The following ZPBP variants were observed in gnomAD, a reference collection of about 807,000 sequenced individuals.
ZPBP encodes zona pellucida-binding protein 1.
ZPBP carries 26 observed loss-of-function variants against 44.8 expected under a neutral mutation model. The observed-to-expected ratio is 0.58, with a 90% CI of 0.43 to 0.81. ZPBP has a LOEUF of 0.81. Among genes scored for constraint, ZPBP ranks in the 30% least tolerant of loss-of-function variants. The pLI is 0.00. For synonymous variants in ZPBP, 174 were observed against 153.2 expected (o/e 1.14, Z -1.00); for missense variants, 409 against 434.0 (o/e 0.94, Z 0.51).
intron 7 of ZPBP, among the ~76,000 whole-genome samples, chr7:49,938,948 G>C (rs2128752395): frequency 6.6e-6 from 1 of 152,146 alleles, no homozygotes; most frequent in East Asian, 1.9e-4. Context: ...GGAAATATTT[G>C]CCATTCTATG....
intron 2 of ZPBP, among the ~76,000 whole-genome samples, chr7:49,868,719 G>GTGATTCTC (rs1346589480): frequency 6.6e-6 from 1 of 152,210 alleles, no homozygotes; most frequent in Non-Finnish European, 1.5e-5. Context: ...CTGGGTTCAA[G>GTGATTCTC]TGATTCTCCT....
intron 4 of ZPBP, among the ~76,000 whole-genome samples, chr7:50,045,696 A>T (rs2128820762): frequency 6.6e-6 from 1 of 152,338 alleles, no homozygotes; most frequent in Middle Eastern, 3.4e-3. Context: ...AGGAAGAATC[A>T]ATATATTGAC....
intron 6 of ZPBP, among the ~76,000 whole-genome samples, chr7:49,988,519 G>C (rs1010354111): frequency 6.6e-6 from 1 of 152,064 alleles, no homozygotes; most frequent in Non-Finnish European, 1.5e-5. Flanking sequence ...AAAATTCTGA[G>C]TATATGCTAT....
chr7:49,842,971 G>C, the ZPBP span, among the ~76,000 whole-genome samples: 3 of 152,102 alleles, frequency 2.0e-5, no homozygotes, highest in African/African-American at 7.2e-5. Context: ...GTGATGCTGA[G>C]GTTTGGGGTA....
intron 7 of ZPBP, among the ~76,000 whole-genome samples, chr7:49,965,489 G>C (rs1796022773): frequency 6.6e-6 from 1 of 151,972 alleles, no homozygotes; most frequent in Non-Finnish European, 1.5e-5. Flanking sequence ...TTCAATAGCA[G>C]AGCTACACCA....
chr7:49,850,701 G>T (rs1194324247), intron 2 of ZPBP, among the ~76,000 whole-genome samples: 1 of 152,238 alleles, frequency 6.6e-6, no homozygotes, highest in Non-Finnish European at 1.5e-5. Flanking sequence ...CAGACAACTT[G>T]TGTTCATGTA....
At chr7:49,912,982 C>T (rs1793536829) in intron 1 of ZPBP, 1 of 152,162 alleles carries the variant, frequency 6.6e-6, no homozygotes, top group African/African-American at 2.4e-5. Flanking sequence ...ATTACTGTTC[C>T]ATCAAGCTGA....
intron 2 of ZPBP, among the ~76,000 whole-genome samples, chr7:49,875,656 C>T (rs1276739958): frequency 1.3e-5 from 2 of 151,988 alleles, no homozygotes; most frequent in Non-Finnish European, 2.9e-5. Flanking sequence ...GTCACTTTGC[C>T]CCACTGACTC....
chr7:49,958,208 C>T (rs1403952031), intron 7 of ZPBP, among the ~76,000 whole-genome samples: 4 of 152,080 alleles, frequency 2.6e-5, no homozygotes, highest in African/African-American at 4.8e-5. Flanking sequence ...TCTTGAGTCT[C>T]GCCCACATAC....
At chr7:50,000,806 A>AC (rs1218227102) in intron 6 of ZPBP, among the ~76,000 whole-genome samples, 9 of 152,044 alleles carry the variant, frequency 5.9e-5, no homozygotes, top group Non-Finnish European at 1.3e-4. Flanking sequence ...TCATGCCCCC[A>AC]CCACCACATT....
At chr7:49,940,832 G>A (rs1794848108) in intron 7 of ZPBP, 1 of 983,904 alleles carries the variant, frequency 1.0e-6, no homozygotes, top group East Asian at 1.1e-4. Flanking sequence ...ATGCCTGTGG[G>A]ATTGGTTTGT....
chr7:49,866,329 G>A (rs920444668), intron 2 of ZPBP, among the ~76,000 whole-genome samples: 1 of 152,164 alleles, frequency 6.6e-6, no homozygotes, highest in African/African-American at 2.4e-5. Context: ...TTCCTGTCCT[G>A]ACTGGCGTTC....
chr7:50,073,039 G>C (rs1309514331), intron 3 of ZPBP, among the ~76,000 whole-genome samples: 1 of 151,978 alleles, frequency 6.6e-6, no homozygotes, highest in East Asian at 1.9e-4. Context: ...ACACTATTCA[G>C]GAAAACATGA....
At chr7:49,842,114 C>T in the ZPBP span, among the ~76,000 whole-genome samples, 26 of 152,298 alleles carry the variant, frequency 1.7e-4, no homozygotes, top group African/African-American at 6.3e-4. Flanking sequence ...GTGATCCACC[C>T]TCCTCAACCT....
At chr7:49,888,602 C>T (rs974371438) in intron 2 of ZPBP, among the ~76,000 whole-genome samples, 5 of 152,090 alleles carry the variant, frequency 3.3e-5, no homozygotes, top group Non-Finnish European at 5.9e-5. Context: ...ACTCCCTGGC[C>T]CAAGGGTGTT....
At chr7:49,924,110 G>T (rs913345878) in intron 1 of ZPBP, among the ~76,000 whole-genome samples, 1 of 151,014 alleles carries the variant, frequency 6.6e-6, no homozygotes, top group East Asian at 1.9e-4. Context: ...GTGACAGAGC[G>T]AGACTCTGTC....
rs558332948 is a variant in ZPBP, at chr7:50,092,890, T to C, written c.127+178A>G. On this transcript the variant is annotated intron_variant, in intron 1 of 7. Coordinates refer to ENST00000046087, the MANE Select transcript of ZPBP (RefSeq NM_007009.3). ...TAATTTCCTGTCATTCACTCCTCTA[T>C]GCAAATGCAGAGTGACTTTGTACGA... is the stretch of plus-strand genomic sequence containing the variant. The C allele has an allele frequency of 9.5e-6, 9 of 942,784 alleles. No homozygotes were observed. The East Asian group carries it at 2.1e-4, about 22-fold the overall frequency. 58.4% of individuals were successfully genotyped at this position (942,784 alleles called of 1,614,324 possible). A position where few individuals can be genotyped will look rare whatever the true frequency, so the allele number is the denominator to read the frequency against.
chr7:49,936,874 TTC>T, downstream of ZPBP, among the ~76,000 whole-genome samples: 1 of 152,334 alleles, frequency 6.6e-6, no homozygotes, highest in South Asian at 2.1e-4. Context: ...CTTTTTTTCA[TTC>T]TCTCTTTCCA....
Position 49,925,719 on chromosome 7 carries a change from T to A in ZPBP, n.411+10032A>T, listed in dbSNP as rs370008208. Among the ~76,000 whole-genome samples the A allele has an allele frequency of 1.5e-3, 234 of 152,306 alleles. 3 individuals are homozygous for A. Among genetic ancestry groups the A allele is most frequent in the African/African-American group, 5.4e-3 (224 of 41,558 alleles). ...CTGCCTCAGACCTCCTTGTCTCCAG[T>A]CTTTTGGTCTTTCCTTCCAGGCCCC... On this transcript the variant is annotated intron_variant and non_coding_transcript_variant, in intron 1 of 2. Coordinates refer to the ZPBP transcript ENST00000465922.
Sources: allele counts gnomAD v4.1 joint callset (sites outside exome capture counted in the v4.1 genomes callset), GRCh38; gene constraint gnomAD v4.1.1; transcripts MANE v1.5; gene names NCBI Gene and HGNC (gene_info 2026-07-23, HGNC 2026-07-21).